Variants in SKP2 observed in about 807,000 individuals in gnomAD.
The protein encoded by SKP2 is S-phase kinase associated protein 2.
SKP2 carries 16 observed loss-of-function variants against 51.8 expected under a neutral mutation model. The observed-to-expected ratio is 0.31, with a 90% CI of 0.21 to 0.47. SKP2 has a LOEUF of 0.47. Among genes scored for constraint, SKP2 ranks in the 20% least tolerant of loss-of-function variants. The probability of loss-of-function intolerance (pLI) is 1.00; values close to 1 mark genes in which losing one functional copy is unlikely to be tolerated. For synonymous variants in SKP2, 176 were observed against 198.6 expected (o/e 0.89, Z 0.96); for missense variants, 377 against 505.3 (o/e 0.75, Z 2.43).
intron 7 of SKP2, chr5:36,193,136 A>G (rs1374254384): frequency 6.6e-6 from 1 of 152,196 alleles, no homozygotes; most frequent in Non-Finnish European, 1.5e-5. Flanking sequence ...CTATTTGGAC[A>G]ATCAGATTTC....
At chr5:36,164,754 C>G (rs1272674608) in intron 3 of SKP2, among the ~76,000 whole-genome samples, 1 of 152,182 alleles carries the variant, frequency 6.6e-6, no homozygotes, top group Non-Finnish European at 1.5e-5. Flanking sequence ...TTTCTGCCAG[C>G]TATGCATTTA....
intron 4 of SKP2, among the ~76,000 whole-genome samples, chr5:36,167,397 C>T (rs560820737): frequency 3.1e-4 from 47 of 152,238 alleles, no homozygotes; most frequent in Admixed American, 2.2e-3. Flanking sequence ...TCTGTTCACT[C>T]CAGGGTCGGT....
rs781311711 is a variant in SKP2 at position 36,183,965 on chromosome 5, T to C, written c.*1934T>C. 5 of 1,608,176 alleles carry C rather than the reference T, an allele frequency of 3.1e-6. No individual in the cohort carries two copies. In the South Asian group the frequency reaches 4.4e-5, roughly 14 times the overall value. ...TGCCAACATGTCAGAGTAATCTGTA[T>C]TTTTGTATGTGATTTCTACTTTTAT... On this transcript the variant is annotated 3_prime_UTR_variant, in exon 10 of 10. Transcript: ENST00000274255.
intron 2 of SKP2, among the ~76,000 whole-genome samples, chr5:36,159,786 C>T (rs1452492485): frequency 6.6e-6 from 1 of 152,224 alleles, no homozygotes; most frequent in Non-Finnish European, 1.5e-5. Flanking sequence ...TTCCTGGCAT[C>T]ACTTCCCAAA....
chr5:36,176,973 A>G lies in SKP2; in HGVS notation c.910A>G (p.Thr304Ala). Residue 304 changes from threonine (T) to alanine (A), a missense_variant, in exon 8 of 10, where the codon ACT becomes GCT. By Grantham distance (58) the Thr-to-Ala change is moderately conservative. Transcript: ENST00000274255. ...RKNLQKSDLS[T>A]LVRRCPNLVH... is the part of the protein sequence containing the mutation. ...TTTTTTGCTTTTCCTAGATCTCTCT[A>G]CTTTAGTTAGAAGATGCCCCAATCT... The G allele has an allele frequency of 6.3e-7, 1 of 1,594,006 alleles. No homozygotes were observed.
downstream of SKP2, among the ~76,000 whole-genome samples, chr5:36,184,648 G>C (rs936051958): frequency 6.6e-6 from 1 of 152,016 alleles, no homozygotes; most frequent in African/African-American, 2.4e-5. Context: ...ACATTTTCTT[G>C]ATCCAGTCTA....
chr5:36,158,443 C>T (rs1745019843), intron 2 of SKP2, among the ~76,000 whole-genome samples: 1 of 152,214 alleles, frequency 6.6e-6, no homozygotes, highest in Admixed American at 6.5e-5. Flanking sequence ...TGTGGTACCC[C>T]CACCCGGGGC....
chr5:36,152,717 A>G, intron 1 of SKP2, 54 bp from the exon 2 acceptor site: 1 of 1,568,082 alleles, frequency 6.4e-7, no homozygotes, highest in Non-Finnish European at 8.7e-7. Flanking sequence ...TTGCCTTGAA[A>G]TTATTTATGG....
chr5:36,188,893 A>C (rs1745980144), downstream of SKP2, among the ~76,000 whole-genome samples: 1 of 151,960 alleles, frequency 6.6e-6, no homozygotes, highest in Non-Finnish European at 1.5e-5. Flanking sequence ...TGGTCTTTTC[A>C]CATAGTCCCA....
chr5:36,181,704 AC>A, intron 9 of SKP2, 113 bp from the exon 10 acceptor site: 5 of 1,022,504 alleles, frequency 4.9e-6, no homozygotes, highest in Non-Finnish European at 7.3e-6. Context: ...TGTAAATTAC[AC>A]TTTCAGACTG....
At position 36,171,705 on chromosome 5, in the gene SKP2, C is replaced by T. The variant is rs750941482; in HGVS notation, c.873C>T (p.Ser291=). The change falls in exon 7 of 10, where the codon AGC becomes AGT. Residue 291 remains serine (S), a synonymous_variant. Coordinates refer to ENST00000274255, the MANE Select transcript of SKP2 (RefSeq NM_005983.4). ...AGACCATCACCCAGCTGAATCTTAG[C>T]GGCTACAGAAAGAATCTCCAGAAAT... ...VSETITQLNL[S]GYRKNLQKSD... 43 of 1,613,774 alleles carry T rather than the reference C, an allele frequency of 2.7e-5. No individual in the cohort carries two copies. The highest frequency in any genetic ancestry group is 5.0e-5 in the Admixed American group (3 of 59,996).
In SKP2 at chr5:36,168,320, C is replaced by T. The variant is rs750556105; in HGVS notation, c.544C>T (p.Arg182Cys). The T allele has an allele frequency of 2.2e-5, 35 of 1,613,680 alleles. No homozygotes were observed. The highest frequency in any genetic ancestry group is 1.6e-4 in the Middle Eastern group (1 of 6,084). ...QPLAEHFSPF[R>C]VQHMDLSNSV... Reference sequence around the variant, plus strand: ...TTTTCTCTCCGTGTTTAGCCCTTTTCGTGTACAGCACATGGACCTATCGAA... The same window carrying T: ...TTTTCTCTCCGTGTTTAGCCCTTTTTGTGTACAGCACATGGACCTATCGAA... Residue 182 changes from arginine to cysteine, a missense_variant, in exon 5 of 10, where the codon CGT becomes TGT. Physicochemically the swap from Arg to Cys is radical, Grantham distance 180. Coordinates refer to ENST00000274255, the MANE Select transcript of SKP2 (RefSeq NM_005983.4).
At chr5:36,175,286 A>G (rs1424698716) in intron 7 of SKP2, among the ~76,000 whole-genome samples, 3 of 152,152 alleles carry the variant, frequency 2.0e-5, no homozygotes, top group Non-Finnish European at 2.9e-5. Context: ...GAGATGGGAA[A>G]GAGTTTAGGG....
intron 6 of SKP2, among the ~76,000 whole-genome samples, chr5:36,191,941 T>A (rs966203898): frequency 6.6e-6 from 1 of 152,224 alleles, no homozygotes; most frequent in African/African-American, 2.4e-5. Context: ...TTTGAGTTAC[T>A]ATGTTTTAGC....
In SKP2 at chr5:36,177,172, G is replaced by T; in HGVS notation, c.954-13G>T. The T allele has an allele frequency of 3.9e-6, 6 of 1,552,718 alleles. No individual in the cohort carries two copies. Among genetic ancestry groups the T allele is most frequent in the Non-Finnish European group, 5.3e-6 (6 of 1,125,158 alleles). The stretch of plus-strand genomic sequence containing the variant: ...TGTGATTTTCAATATCTTTTCTTCT[G>T]CCTTCTTAACAGTGATAGTGTCATG... On this transcript the variant is annotated splice_polypyrimidine_tract_variant and intron_variant, in intron 8 of 9. Coordinates refer to ENST00000274255, the MANE Select transcript of SKP2 (RefSeq NM_005983.4).
At chr5:36,193,233 C>T (rs2112033900) in intron 7 of SKP2, 1 of 152,060 alleles carries the variant, frequency 6.6e-6, no homozygotes, top group African/African-American at 2.4e-5. Context: ...AATCCCAATA[C>T]TGGGAGGCCG....
Position 36,166,681 on chromosome 5 carries a change from T to C in SKP2, c.536+19T>C. On this transcript the variant is annotated intron_variant, in intron 4 of 9. Coordinates refer to ENST00000274255, the MANE Select transcript of SKP2 (RefSeq NM_005983.4). The stretch of plus-strand genomic sequence containing the variant: ...ATTTCAGGTAAAGATGAAAAATCCC[T>C]GGAAAAGACTATTTCTAAATTTCGA... 1.2e-6 allele frequency: 2 copies of C among 1,602,462 alleles called. No homozygotes were observed. Among genetic ancestry groups the C allele is most frequent in the Non-Finnish European group, 1.7e-6 (2 of 1,170,586 alleles).
intron 7 of SKP2, 83 bp from the exon 8 acceptor site, chr5:36,176,882 T>G (rs1296411926): frequency 6.0e-6 from 5 of 826,782 alleles, no homozygotes; most frequent in African/African-American, 1.7e-5. Flanking sequence ...TCCAGCATGA[T>G]GTTCAATGAT....
intron 9 of SKP2, among the ~76,000 whole-genome samples, chr5:36,177,969 G>A (rs187834967): frequency 5.9e-5 from 9 of 152,164 alleles, no homozygotes; most frequent in African/African-American, 1.9e-4. Flanking sequence ...TACCTGCTCA[G>A]CAACTTCCAC....
Sources: gnomAD v4.1 joint callset for allele counts (sites outside exome capture counted in the v4.1 genomes callset) on GRCh38, gnomAD v4.1.1 for gene constraint, MANE v1.5 for transcripts, NCBI Gene and HGNC (gene_info 2026-07-23, HGNC 2026-07-21) for gene names.